ZNF131: variants seen among roughly 807,000 people sequenced by gnomAD.
ZNF131 encodes the protein zinc finger and BTB domain containing 35, also known as zinc finger protein 131.
Under a neutral mutation model 60.0 loss-of-function variants are expected in ZNF131, and 7 were observed. That is an observed-to-expected ratio of 0.12 (90% confidence interval 0.07 to 0.22). The LOEUF is 0.22. Among genes scored for constraint, ZNF131 ranks in the 10% least tolerant of loss-of-function variants. The pLI, the probability that ZNF131 is intolerant of heterozygous loss-of-function variation, is 1.00. For missense variants in ZNF131, 493 were observed against 740.9 expected (o/e 0.67, Z 3.88); for synonymous variants, 257 against 253.2 (o/e 1.01, Z -0.14).
intron 4 of ZNF131, among the ~76,000 whole-genome samples, chr5:43,159,465 G>A (rs997264106): frequency 6.6e-6 from 1 of 151,984 alleles, no homozygotes; most frequent in African/African-American, 2.4e-5. Context: ...AGGCCGAGGT[G>A]GGCAGATCAC....
At chr5:43,144,237 C>CTTTTTTTTTT (rs935655531) in intron 4 of ZNF131, among the ~76,000 whole-genome samples, 3 of 65,318 alleles carry the variant, frequency 4.6e-5, no homozygotes, top group African/African-American at 1.8e-4. Flanking sequence ...TTCTTTCTTT[C>CTTTTTTTTTT]TTTTTTTTTT....
At chr5:43,135,660 G>A (rs1050737774) in intron 3 of ZNF131, among the ~76,000 whole-genome samples, 1 of 152,168 alleles carries the variant, frequency 6.6e-6, no homozygotes, top group Non-Finnish European at 1.5e-5. Context: ...GGCTGAGGTT[G>A]CAGTGAGCAT....
chr5:43,150,802 C>T (rs1394519724), intron 4 of ZNF131, among the ~76,000 whole-genome samples: 4 of 152,052 alleles, frequency 2.6e-5, no homozygotes, highest in Non-Finnish European at 4.4e-5. Context: ...AACACAGGGA[C>T]CAGGACCTAA....
intron 4 of ZNF131, among the ~76,000 whole-genome samples, chr5:43,147,263 C>CTATTAAAATAAAATAAAAAAA (rs1561416688): frequency 6.6e-6 from 1 of 151,642 alleles, no homozygotes; most frequent in East Asian, 1.9e-4. Flanking sequence ...TAAAATAATG[C>CTATTAAAATAAAATAAAAAAA]TACTGTATAC....
At chr5:43,159,911 ACG>A (rs1749433566) in intron 4 of ZNF131, among the ~76,000 whole-genome samples, 1 of 151,754 alleles carries the variant, frequency 6.6e-6, no homozygotes, top group African/African-American at 2.4e-5. Context: ...GCGGTGGCCC[ACG>A]CCTGTAATCC....
chr5:43,139,301 T>C lies in ZNF131; in HGVS notation c.363T>C (p.Leu121=). 3 of 1,603,204 alleles carry C rather than the reference T, an allele frequency of 1.9e-6. No homozygotes were observed. Among genetic ancestry groups the C allele is most frequent in the Non-Finnish European group, 2.6e-6 (3 of 1,176,046 alleles). The change falls in exon 4 of 7, where the codon CTT becomes CTC. Residue 121 remains leucine (L), a synonymous_variant. Coordinates refer to ENST00000682664, the MANE Select transcript of ZNF131 (RefSeq NM_001330707.2). ...FLQMLEAIKA[L]EVRNKENSAP... ...AAATGCTAGAAGCTATCAAAGCCCTTGAAGTCAGGTACTTAATTTCTTTAA... is the reference window on the plus strand; with the variant it reads ...AAATGCTAGAAGCTATCAAAGCCCTCGAAGTCAGGTACTTAATTTCTTTAA...
intron 3 of ZNF131, among the ~76,000 whole-genome samples, chr5:43,132,298 A>G (rs1265149139): frequency 6.6e-6 from 1 of 152,220 alleles, no homozygotes; most frequent in Non-Finnish European, 1.5e-5. Flanking sequence ...ACTAGCCTTC[A>G]GTGAGTCCAG....
intron 4 of ZNF131, among the ~76,000 whole-genome samples, chr5:43,160,450 A>G (rs1749542902): frequency 1.3e-5 from 2 of 152,082 alleles, no homozygotes; most frequent in Admixed American, 6.6e-5. Flanking sequence ...CAGTGAGCCA[A>G]CATCACACCA....
At chr5:43,122,243 CG>C (rs377071760) in intron 2 of ZNF131, 66 bp downstream of exon 2, 5 of 1,466,484 alleles carry the variant, frequency 3.4e-6, no homozygotes, top group Admixed American at 2.4e-5. Flanking sequence ...TTCGGACACC[CG>C]CCTTTTTTTT....
intron 3 of ZNF131, among the ~76,000 whole-genome samples, chr5:43,132,034 A>G (rs535860952): frequency 5.3e-4 from 80 of 152,332 alleles, no homozygotes; most frequent in African/African-American, 1.8e-3. Flanking sequence ...TAATGCTTGT[A>G]AAGTATTTAG....
Position 43,161,734 on chromosome 5 carries a change from A to G in ZNF131, c.857A>G (p.Glu286Gly). 3 of 1,614,242 alleles carry G rather than the reference A, an allele frequency of 1.9e-6. No homozygotes were observed. The highest frequency in any genetic ancestry group is 2.5e-6 in the Non-Finnish European group (3 of 1,180,034). Residue 286 changes from glutamate (E) to glycine (G), a missense_variant, in exon 5 of 7, where the codon GAG becomes GGG. Glu to Gly is a moderately conservative substitution (Grantham distance 98, BLOSUM62 -2). Transcript: ENST00000682664. Reference sequence around the variant, plus strand: ...GAGCACATGAAATCACACTCCACTGAGAGTTTCAAGTGTGAAATATGCAAT... The same window carrying G: ...GAGCACATGAAATCACACTCCACTGGGAGTTTCAAGTGTGAAATATGCAAT... ...FKEHMKSHST[E>G]SFKCEICNKR...
chr5:43,148,586 A>T (rs559986471), intron 4 of ZNF131, among the ~76,000 whole-genome samples: 1 of 152,360 alleles, frequency 6.6e-6, no homozygotes, highest in African/African-American at 2.4e-5. Context: ...GTAGCAAGGC[A>T]GCTATAGACA....
intron 6 of ZNF131, 71 bp from the exon 7 acceptor site, chr5:43,174,376 G>C (rs1038133853): frequency 7.5e-7 from 1 of 1,328,406 alleles, no homozygotes; most frequent in Non-Finnish European, 1.0e-6. Context: ...TCTTTACAGA[G>C]AATAAATGCA....
chr5:43,145,980 G>T (rs1481338957), intron 4 of ZNF131, among the ~76,000 whole-genome samples: 1 of 152,164 alleles, frequency 6.6e-6, no homozygotes. Context: ...CCAAAGTGGG[G>T]TATTAATTTC....
intron 5 of ZNF131, 170 bp from the exon 6 acceptor site, chr5:43,173,148 C>A: frequency 1.7e-6 from 1 of 599,464 alleles, no homozygotes; most frequent in South Asian, 3.8e-5. Flanking sequence ...TTTTTGCTAC[C>A]TCTAGAAAAG....
chr5:43,142,732 C>T (rs1315267574), intron 4 of ZNF131, among the ~76,000 whole-genome samples: 1 of 148,462 alleles, frequency 6.7e-6, no homozygotes, highest in Non-Finnish European at 1.5e-5. Context: ...TGCTTTGTCA[C>T]CCAGGCTGGA....
rs1485470022 is a variant in ZNF131 at position 43,161,386 on chromosome 5, T to G, written c.509T>G (p.Val170Gly). ...GAATCAGAACCTGTTGAAATTGAGG[T>G]AGAGATTGCCGAAGGCACCATTGAA... Reference protein sequence around the residue: ...SAESEPVEIEVEIAEGTIEVE... With the variant: ...SAESEPVEIEGEIAEGTIEVE... The change falls in exon 5 of 7, where the codon GTA becomes GGA. Residue 170 changes from valine to glycine, a missense_variant. By Grantham distance (109) the Val-to-Gly change is moderately radical. Transcript: ENST00000682664. The G allele has an allele frequency of 6.2e-7, 1 of 1,614,060 alleles. No homozygotes were observed. Among genetic ancestry groups the G allele is most frequent in the African/African-American group, 1.3e-5 (1 of 74,916 alleles).
At chr5:43,162,893 A>C (rs1277662265) in intron 5 of ZNF131, among the ~76,000 whole-genome samples, 2 of 141,708 alleles carry the variant, frequency 1.4e-5, no homozygotes, top group Non-Finnish European at 3.1e-5. Context: ...CAACAAGGGC[A>C]AAACTCTGTC....
chr5:43,129,667 T>C (rs537464413), intron 3 of ZNF131, among the ~76,000 whole-genome samples: 13 of 152,138 alleles, frequency 8.5e-5, no homozygotes, highest in Non-Finnish European at 1.6e-4. Flanking sequence ...TTTTGTTTGT[T>C]TGTTTGAGAT....
Sources: gnomAD v4.1 joint callset for allele counts (sites outside exome capture counted in the v4.1 genomes callset) on GRCh38, gnomAD v4.1.1 for gene constraint, MANE v1.5 for transcripts, NCBI Gene and HGNC (gene_info 2026-07-23, HGNC 2026-07-21) for gene names.